Variants in SMURF1 observed in about 807,000 individuals in gnomAD.
SMURF1 encodes E3 ubiquitin-protein ligase SMURF1.
SMURF1 carries 44 observed loss-of-function variants against 98.0 expected under a neutral mutation model. The observed-to-expected ratio is 0.45, with a 90% CI of 0.35 to 0.58. The LOEUF (loss-of-function observed/expected upper bound fraction) is 0.58, where lower values mean the gene tolerates loss of function less well. Ranked by LOEUF, SMURF1 falls within the 20% of genes least tolerant of loss-of-function variation. SMURF1 has a pLI of 0.00. For missense variants in SMURF1, 687 were observed against 938.4 expected (o/e 0.73, Z 3.50); for synonymous variants, 396 against 374.9 (o/e 1.06, Z -0.65).
intron 1 of SMURF1, among the ~76,000 whole-genome samples, chr7:99,127,597 CAG>C (rs984791298): frequency 6.6e-6 from 1 of 152,128 alleles, no homozygotes; most frequent in Non-Finnish European, 1.5e-5. Flanking sequence ...TAACAAGGGA[CAG>C]AGGGGAAAGG....
At chr7:99,036,633 A>G (rs1264526378) in intron 15 of SMURF1, among the ~76,000 whole-genome samples, 9 of 152,154 alleles carry the variant, frequency 5.9e-5, no homozygotes, top group Non-Finnish European at 1.2e-4. Flanking sequence ...TAAGGGCTGA[A>G]TGAATCACCG....
At chr7:99,042,316 G>A (rs1795417570) in intron 11 of SMURF1, 84 bp from the exon 12 acceptor site, 1 of 893,368 alleles carries the variant, frequency 1.1e-6, no homozygotes, top group South Asian at 1.5e-5. Context: ...GTCTCACTCT[G>A]TCGCCCAGGC....
intron 1 of SMURF1, among the ~76,000 whole-genome samples, chr7:99,079,823 T>A (rs1796543431): frequency 6.6e-6 from 1 of 152,138 alleles, no homozygotes; most frequent in African/African-American, 2.4e-5. Flanking sequence ...AATGCAGACT[T>A]ATTCATTCAC....
intron 3 of SMURF1, among the ~76,000 whole-genome samples, chr7:99,059,586 C>A (rs1299879509): frequency 6.6e-6 from 1 of 151,844 alleles, no homozygotes; most frequent in Non-Finnish European, 1.5e-5. Flanking sequence ...CAAAAATTTT[C>A]AAAGTCAACA....
chr7:99,032,991 C>T (rs374359258), intron 17 of SMURF1, 46 bp downstream of exon 17: 8 of 1,585,612 alleles, frequency 5.0e-6, no homozygotes, highest in African/African-American at 2.7e-5. Context: ...CGTCAGCATC[C>T]TCTGGGGCTC....
chr7:99,073,358 AAC>A (rs1427787216), intron 1 of SMURF1, among the ~76,000 whole-genome samples: 2 of 149,532 alleles, frequency 1.3e-5, no homozygotes, highest in East Asian at 2.0e-4. Flanking sequence ...CAGCCTGGGC[AAC>A]GAGTGAGACT....
chr7:99,030,886 G>A (rs975418619), intron 17 of SMURF1: 1 of 483,002 alleles, frequency 2.1e-6, no homozygotes, highest in Middle Eastern at 5.6e-4. Flanking sequence ...TTTTGGTAGA[G>A]ACAGGGTCTC....
chr7:99,057,601 T>TTTGTTTG (rs1554440697), intron 3 of SMURF1, 50 bp from the exon 4 acceptor site: 1 of 1,445,008 alleles, frequency 6.9e-7, no homozygotes, highest in Non-Finnish European at 9.1e-7. Flanking sequence ...GTTTTTTTTG[T>TTTGTTTG]TTTGTTTTTT....
chr7:99,134,914 G>C (rs1563044721), intron 1 of SMURF1, among the ~76,000 whole-genome samples: 2 of 152,050 alleles, frequency 1.3e-5, no homozygotes, highest in South Asian at 4.1e-4. Flanking sequence ...TAATATGATA[G>C]AACAAGCTTT....
In SMURF1 at chr7:99,143,722, G is replaced by A. The variant is rs780963715; in HGVS notation, c.55+4C>T. 2.6e-6 allele frequency: 4 copies of A among 1,555,696 alleles called. No individual in the cohort carries two copies. The highest frequency in any genetic ancestry group is 2.7e-5 in the East Asian group (1 of 37,516). ...GGCGCGGGTGGGCCTCCCGCCGGCC[G>A]TACCTGTCAGACGGATCTTGATGCT... is the stretch of plus-strand genomic sequence containing the variant. On this transcript the variant is annotated splice_donor_region_variant and intron_variant, in intron 1 of 17. Transcript: ENST00000361368.
chr7:99,074,989 C>A (rs990861328), intron 1 of SMURF1, among the ~76,000 whole-genome samples: 3 of 152,110 alleles, frequency 2.0e-5, no homozygotes, highest in African/African-American at 7.2e-5. Flanking sequence ...CACATGAAAA[C>A]CACAGTAAGG....
intron 11 of SMURF1, among the ~76,000 whole-genome samples, chr7:99,043,544 G>C (rs1408288326): frequency 1.3e-5 from 2 of 152,174 alleles, no homozygotes; most frequent in East Asian, 3.8e-4. Flanking sequence ...GGAAAACGCA[G>C]AAGGAATGTA....
intron 1 of SMURF1, among the ~76,000 whole-genome samples, chr7:99,075,879 G>C (rs1012064287): frequency 5.9e-5 from 9 of 151,974 alleles, no homozygotes; most frequent in Admixed American, 5.2e-4. Flanking sequence ...AGTTGACATG[G>C]GTCTATATTT....
Position 99,047,693 on chromosome 7 carries a change from T to A in SMURF1, c.1143A>T (p.Glu381Asp). ...GHCRIEVSREEIFEESYRQIM... is the reference protein window; with the variant it reads ...GHCRIEVSREDIFEESYRQIM... ...GCCCTGAACTCTCTACCTCAAAGATTTCTTCTCTGGACACTTCGATGCGGC... is the reference window on the plus strand; with the variant it reads ...GCCCTGAACTCTCTACCTCAAAGATATCTTCTCTGGACACTTCGATGCGGC... Residue 381 changes from glutamate to aspartate, a missense_variant, in exon 10 of 18, where the codon GAA becomes GAT. Transcript: ENST00000361368. 1 of 1,614,220 alleles carries A rather than the reference T, an allele frequency of 6.2e-7. No individual in the cohort carries two copies. Among genetic ancestry groups the A allele is most frequent in the Non-Finnish European group, 8.5e-7 (1 of 1,180,042 alleles).
intron 1 of SMURF1, among the ~76,000 whole-genome samples, chr7:99,086,951 T>C (rs919258208): frequency 5.3e-5 from 8 of 152,218 alleles, no homozygotes; most frequent in African/African-American, 1.9e-4. Context: ...GTGGGGTTTC[T>C]TTTTCGGGTG....
At chr7:99,138,018 C>T (rs976913129) in intron 1 of SMURF1, among the ~76,000 whole-genome samples, 1 of 152,064 alleles carries the variant, frequency 6.6e-6, no homozygotes, top group Non-Finnish European at 1.5e-5. Flanking sequence ...AATGAGTTCC[C>T]TGGACAAGAA....
chr7:99,032,253 C>T (rs575392490), intron 17 of SMURF1, among the ~76,000 whole-genome samples: 1 of 152,324 alleles, frequency 6.6e-6, no homozygotes, highest in South Asian at 2.1e-4. Context: ...TCATAAGAGA[C>T]TCTGACAACC....
chr7:99,087,544 C>T (rs1027332117), intron 1 of SMURF1, among the ~76,000 whole-genome samples: 2 of 152,038 alleles, frequency 1.3e-5, no homozygotes, highest in African/African-American at 4.8e-5. Context: ...ATTATTTAAA[C>T]AAGAATAAAA....
chr7:99,060,424 A>G (rs942521403), intron 3 of SMURF1, among the ~76,000 whole-genome samples, 175 bp downstream of exon 3: 3 of 151,950 alleles, frequency 2.0e-5, no homozygotes, highest in Non-Finnish European at 2.9e-5. Context: ...AAAATGCAAG[A>G]ACTTCCAAGT....
Sources: allele counts gnomAD v4.1 joint callset (sites outside exome capture counted in the v4.1 genomes callset), GRCh38; gene constraint gnomAD v4.1.1; transcripts MANE v1.5; gene names NCBI Gene and HGNC (gene_info 2026-07-23, HGNC 2026-07-21).